The following HIP1 variants were observed in gnomAD, a reference collection of about 807,000 sequenced individuals.
HIP1 encodes huntingtin interacting protein 1, also known as huntingtin-interacting protein 1.
Under a neutral mutation model 147.6 loss-of-function variants are expected in HIP1, and 65 were observed. The ratio of observed to expected loss-of-function variants is 0.44; its 90% CI spans 0.36 to 0.54. HIP1 has a LOEUF of 0.54. Among genes scored for constraint, HIP1 ranks in the 20% least tolerant of loss-of-function variants. The pLI, the probability that HIP1 is intolerant of heterozygous loss-of-function variation, is 0.00. For missense variants in HIP1, 1,061 were observed against 1,299.6 expected, an observed-to-expected ratio of 0.82 and a Z score of 2.82; for synonymous variants, 479 against 504.0, an observed-to-expected ratio of 0.95 and a Z score of 0.67.
intron 1 of HIP1, among the ~76,000 whole-genome samples, chr7:75,634,085 G>A (rs1445033576): frequency 6.6e-6 from 1 of 151,888 alleles, no homozygotes; most frequent in Non-Finnish European, 1.5e-5. Flanking sequence ...TCAAAACCTC[G>A]TCTCTACCAA....
chr7:75,540,647 G>A (rs1271667088), intron 29 of HIP1, among the ~76,000 whole-genome samples: 1 of 151,914 alleles, frequency 6.6e-6, no homozygotes, highest in Non-Finnish European at 1.5e-5. Flanking sequence ...ACACATCTTG[G>A]AGTACTTTAA....
intron 1 of HIP1, among the ~76,000 whole-genome samples, chr7:75,633,317 G>T (rs1211343640): frequency 1.3e-5 from 2 of 151,940 alleles, no homozygotes; most frequent in African/African-American, 2.4e-5. Flanking sequence ...TTTTGAGATG[G>T]TCTCTTGCTC....
intron 5 of HIP1, among the ~76,000 whole-genome samples, chr7:75,584,910 G>A (rs1167932919): frequency 3.4e-5 from 5 of 148,786 alleles, no homozygotes; most frequent in Admixed American, 6.7e-5. Context: ...GTGCAGTGGC[G>A]CCATCTCGGC....
At chr7:75,678,375 A>C (rs1584944322) in intron 1 of HIP1, among the ~76,000 whole-genome samples, 2 of 119,430 alleles carry the variant, frequency 1.7e-5, no homozygotes, top group Non-Finnish European at 1.6e-5. Context: ...ACAGCATCTC[A>C]CTCTGTCACC....
intron 1 of HIP1, among the ~76,000 whole-genome samples, chr7:75,664,233 A>G (rs758562569): frequency 4.0e-5 from 5 of 125,428 alleles, no homozygotes; most frequent in African/African-American, 9.6e-5. Flanking sequence ...TTGTGTGTGT[A>G]TACATACACA....
chr7:75,725,907 C>T (rs1233507848), intron 1 of HIP1, among the ~76,000 whole-genome samples: 1 of 150,694 alleles, frequency 6.6e-6, no homozygotes, highest in Non-Finnish European at 1.5e-5. Flanking sequence ...ACTGCGTCTC[C>T]ATCTCCCGGA....
chr7:75,670,120 AT>A (rs1157556870), intron 1 of HIP1, among the ~76,000 whole-genome samples: 14 of 99,662 alleles, frequency 1.4e-4, no homozygotes, highest in African/African-American at 5.8e-4. Context: ...TTTTATTGTG[AT>A]AAAATATACA....
chr7:75,597,464 G>A (rs1484909236), intron 2 of HIP1, among the ~76,000 whole-genome samples: 20 of 152,230 alleles, frequency 1.3e-4, no homozygotes, highest in African/African-American at 4.6e-4. Flanking sequence ...CCGAAGTTGG[G>A]CGCGGTGGCT....
intron 1 of HIP1, among the ~76,000 whole-genome samples, chr7:75,651,022 G>C (rs1798959694): frequency 6.6e-6 from 1 of 152,068 alleles, no homozygotes; most frequent in Admixed American, 6.6e-5. Context: ...ATTGTTAGGT[G>C]CTTATTCATC....
intron 1 of HIP1, among the ~76,000 whole-genome samples, chr7:75,698,104 C>T (rs1800697605): frequency 3.3e-5 from 5 of 152,156 alleles, no homozygotes; most frequent in Admixed American, 1.3e-4. Flanking sequence ...TAGGCATGAG[C>T]CACCATGTCC....
At position 75,568,284 on chromosome 7, in the gene HIP1, G is replaced by T; in HGVS notation, c.746-28C>A. The T allele has an allele frequency of 6.5e-7, 1 of 1,539,646 alleles. No individual in the cohort carries two copies. Among genetic ancestry groups the T allele is most frequent in the Non-Finnish European group, 9.0e-7 (1 of 1,112,144 alleles). On this transcript the variant is annotated intron_variant, in intron 8 of 30. Coordinates refer to ENST00000336926, the MANE Select transcript of HIP1 (RefSeq NM_005338.7). The surrounding 1 kb of genome is among the most constrained non-coding windows in gnomAD (Gnocchi z 4.1). ...GGAAGAAATTGGAAAGAGTGTGAGA[G>T]GGGAGGGGGACCAGAGGGCAGGGAA...
intron 1 of HIP1, among the ~76,000 whole-genome samples, chr7:75,662,149 G>A (rs1799341215): frequency 6.6e-6 from 1 of 151,864 alleles, no homozygotes; most frequent in South Asian, 2.1e-4. Flanking sequence ...GAGATGATGA[G>A]GAGGCTCACA....
At chr7:75,679,198 A>G (rs1799985980) in intron 1 of HIP1, among the ~76,000 whole-genome samples, 2 of 151,972 alleles carry the variant, frequency 1.3e-5, no homozygotes, top group Admixed American at 1.3e-4. Flanking sequence ...TCAACAATAC[A>G]TCTTGTTTGT....
rs151231208 is a variant in HIP1 at position 75,710,178 on chromosome 7, G to A, written c.120+28623C>T. On this transcript the variant is annotated intron_variant, in intron 1 of 30. Transcript: ENST00000336926. ...CTCCCAAAGTGCTGGGATTACAGGC[G>A]TGAGCCACTGTGCCTGGCATATTGA... Among the ~76,000 whole-genome samples the A allele has an allele frequency of 1.7e-3, 262 of 152,204 alleles. 2 individuals carry two copies. Among genetic ancestry groups the A allele is most frequent in the African/African-American group, 5.9e-3 (246 of 41,536 alleles).
At chr7:75,661,108 G>T (rs187530837) in intron 1 of HIP1, among the ~76,000 whole-genome samples, 3 of 151,914 alleles carry the variant, frequency 2.0e-5, no homozygotes, top group Non-Finnish European at 4.4e-5. Context: ...GCAAAATCCC[G>T]TCTCTACCAA....
At chr7:75,624,049 C>T (rs1554507626) in intron 1 of HIP1, among the ~76,000 whole-genome samples, 1 of 152,172 alleles carries the variant, frequency 6.6e-6, no homozygotes, top group Non-Finnish European at 1.5e-5. Flanking sequence ...CCACTGCACT[C>T]CGGCCTGGGA....
chr7:75,725,470 C>T (rs1801623249), intron 1 of HIP1, among the ~76,000 whole-genome samples: 2 of 152,180 alleles, frequency 1.3e-5, no homozygotes, highest in Admixed American at 1.3e-4. Context: ...CTTTCCCCAC[C>T]CTCCCAATCA....
chr7:75,709,854 C>T (rs1563306581), intron 1 of HIP1, among the ~76,000 whole-genome samples: 1 of 151,954 alleles, frequency 6.6e-6, no homozygotes, highest in Admixed American at 6.6e-5. Context: ...GAGATAGTTT[C>T]CTCTATTCCT....
rs587733101 is a variant in HIP1, at chr7:75,586,940, C to G, written c.385-107G>C. On this transcript the variant is annotated intron_variant, in intron 4 of 30. Transcript: ENST00000336926. ...AGAATCTATCTTCTTTGTTTTCTCCCCTTTATTTTATTTATTTAGAGATGG... is the reference window on the plus strand; with the variant it reads ...AGAATCTATCTTCTTTGTTTTCTCCGCTTTATTTTATTTATTTAGAGATGG... 1,028 of 751,402 alleles carry G rather than the reference C, an allele frequency of 1.4e-3. 4 individuals are homozygous for G. In the African/African-American group the frequency reaches 0.016, roughly 12 times the overall value. 46.5% of individuals were successfully genotyped at this position (751,402 alleles called of 1,614,324 possible).
Sources: allele counts gnomAD v4.1 joint callset (sites outside exome capture counted in the v4.1 genomes callset), GRCh38; gene constraint gnomAD v4.1.1; non-coding constraint Gnocchi (gnomAD v3.1); transcripts MANE v1.5; gene names NCBI Gene and HGNC (gene_info 2026-07-23, HGNC 2026-07-21).